The following SLC24A4 variants were observed in gnomAD, a reference collection of about 807,000 sequenced individuals.
The protein encoded by SLC24A4 is sodium/potassium/calcium exchanger 4.
Under a neutral mutation model 79.0 loss-of-function variants are expected in SLC24A4, and 53 were observed. That is an observed-to-expected ratio of 0.67 (90% CI 0.54 to 0.84). The LOEUF (loss-of-function observed/expected upper bound fraction) is 0.84, where lower values mean the gene tolerates loss of function less well. Ranked by LOEUF, SLC24A4 falls within the 40% of genes least tolerant of loss-of-function variation. The pLI is 0.00. For missense variants in SLC24A4, 731 were observed against 822.0 expected (o/e 0.89, Z 1.35); for synonymous variants, 323 against 323.8 (o/e 1.00, Z 0.03).
At chr14:92,486,882 C>T in intron 14 of SLC24A4, 102 bp downstream of exon 14, 3 of 741,400 alleles carry the variant, frequency 4.0e-6, no homozygotes, top group Middle Eastern at 6.2e-4. Flanking sequence ...TTATGACTGG[C>T]AGTTGTCAAG....
At chr14:92,381,610 A>T (rs756733081) in intron 2 of SLC24A4, among the ~76,000 whole-genome samples, 8 of 151,904 alleles carry the variant, frequency 5.3e-5, no homozygotes, top group Non-Finnish European at 8.8e-5. Context: ...AGTACAATTT[A>T]AAAAAAAATT....
chr14:92,473,513 C>T (rs1333390642), intron 12 of SLC24A4, among the ~76,000 whole-genome samples: 1 of 152,188 alleles, frequency 6.6e-6, no homozygotes, highest in Non-Finnish European at 1.5e-5. Context: ...TTTCTGTCTT[C>T]GTAACTCTAT....
intron 2 of SLC24A4, among the ~76,000 whole-genome samples, chr14:92,424,119 C>A (rs1891440502): frequency 6.6e-6 from 1 of 152,158 alleles, no homozygotes; most frequent in Non-Finnish European, 1.5e-5. Flanking sequence ...TCTTCTAAGA[C>A]CACCAATCAT....
intron 2 of SLC24A4, among the ~76,000 whole-genome samples, chr14:92,420,468 A>G (rs764566677): frequency 1.8e-4 from 28 of 151,440 alleles, no homozygotes; most frequent in Non-Finnish European, 3.2e-4. Flanking sequence ...ACAGAGCGAG[A>G]CTCTGTCTCA....
At chr14:92,393,792 C>T (rs1369899914) in intron 2 of SLC24A4, among the ~76,000 whole-genome samples, 5 of 151,978 alleles carry the variant, frequency 3.3e-5, no homozygotes, top group African/African-American at 9.7e-5. Flanking sequence ...GGGCAGATCA[C>T]CTGAGGTCAG....
intron 2 of SLC24A4, among the ~76,000 whole-genome samples, chr14:92,387,081 C>T (rs964438087): frequency 2.6e-5 from 4 of 151,842 alleles, no homozygotes; most frequent in African/African-American, 7.3e-5. Context: ...CCCTCCACTC[C>T]CCTAAAGAAA....
intron 2 of SLC24A4, among the ~76,000 whole-genome samples, chr14:92,366,765 C>T (rs1887863143): frequency 6.6e-6 from 1 of 152,166 alleles, no homozygotes; most frequent in Admixed American, 6.5e-5. Flanking sequence ...GGATAATTCT[C>T]ACTTCATGTT....
chr14:92,410,405 T>C (rs1482547342), intron 2 of SLC24A4, among the ~76,000 whole-genome samples: 1 of 152,182 alleles, frequency 6.6e-6, no homozygotes, highest in East Asian at 1.9e-4. Flanking sequence ...GTCTCAATTT[T>C]CTGGCTTCAG....
intron 12 of SLC24A4, among the ~76,000 whole-genome samples, chr14:92,481,857 C>A (rs1343667294): frequency 6.6e-6 from 1 of 152,234 alleles, no homozygotes; most frequent in African/African-American, 2.4e-5. Flanking sequence ...CATTGATGAG[C>A]AGGCCAGTTT....
rs7154691 is a variant in SLC24A4 at position 92,468,355 on chromosome 14, A to C, written c.1255+11747A>C. 2.0e-5 allele frequency among the ~76,000 whole-genome samples: 3 copies of C among 151,982 alleles called. No individual in the cohort carries two copies. The South Asian group carries it at 6.2e-4, about 31-fold the overall frequency. On this transcript the variant is annotated intron_variant, in intron 12 of 16. Coordinates refer to ENST00000532405, the MANE Select transcript of SLC24A4 (RefSeq NM_153646.4). ...AATAGTCCTCAGATTGATCAGATTTAATGCAATCCTTATCAAAACCCCAGC... is the reference window on the plus strand; with the variant it reads ...AATAGTCCTCAGATTGATCAGATTTCATGCAATCCTTATCAAAACCCCAGC...
Position 92,460,773 on chromosome 14 carries a change from A to G in SLC24A4, c.1255+4165A>G, listed in dbSNP as rs149421080. ...GTCTCCCACCCCTAGCATACAGCTG[A>G]TAAGTGGGGAGGTGGGAGGCCACAG... On this transcript the variant is annotated intron_variant, in intron 12 of 16. Coordinates refer to ENST00000532405, the MANE Select transcript of SLC24A4 (RefSeq NM_153646.4). Among the ~76,000 whole-genome samples the G allele has an allele frequency of 9.9e-4, 150 of 152,274 alleles. 1 individual carries two copies. The highest frequency in any genetic ancestry group is 3.6e-3 in the African/African-American group (150 of 41,574).
intron 2 of SLC24A4, among the ~76,000 whole-genome samples, chr14:92,350,392 G>A (rs956815588): frequency 2.0e-5 from 3 of 152,072 alleles, no homozygotes; most frequent in Non-Finnish European, 4.4e-5. Flanking sequence ...GTGACTCCAG[G>A]TAGAAGCAAT....
intron 2 of SLC24A4, among the ~76,000 whole-genome samples, 181 bp from the exon 3 acceptor site, chr14:92,433,731 C>A (rs1892003294): frequency 6.6e-6 from 1 of 152,178 alleles, no homozygotes; most frequent in Admixed American, 6.5e-5. Context: ...AATCCAGTAT[C>A]CAGCAACTAT....
At chr14:92,369,106 A>T (rs1888012025) in intron 2 of SLC24A4, among the ~76,000 whole-genome samples, 1 of 152,158 alleles carries the variant, frequency 6.6e-6, no homozygotes, top group South Asian at 2.1e-4. Flanking sequence ...CCCTAGGCCC[A>T]CCCACATGCC....
intron 2 of SLC24A4, among the ~76,000 whole-genome samples, chr14:92,326,989 A>C (rs1031574886): frequency 6.6e-6 from 1 of 152,148 alleles, no homozygotes; most frequent in African/African-American, 2.4e-5. Flanking sequence ...GGCAGTCCCC[A>C]CGTGTTAAAT....
chr14:92,336,319 G>A (rs1329673900), intron 2 of SLC24A4, among the ~76,000 whole-genome samples: 1 of 152,252 alleles, frequency 6.6e-6, no homozygotes, highest in East Asian at 1.9e-4. Flanking sequence ...TTAGAACATG[G>A]CATTTTACTA....
chr14:92,435,744 T>C (rs1040681806), intron 3 of SLC24A4, among the ~76,000 whole-genome samples: 1 of 152,246 alleles, frequency 6.6e-6, no homozygotes, highest in Admixed American at 6.5e-5. Context: ...AAGCCATTAA[T>C]GAAAATGAAG....
At chr14:92,419,508 G>T (rs895095147) in intron 2 of SLC24A4, among the ~76,000 whole-genome samples, 3 of 152,202 alleles carry the variant, frequency 2.0e-5, no homozygotes, top group Non-Finnish European at 2.9e-5. Flanking sequence ...GAATGTTGCC[G>T]TGGGCTACTT....
In SLC24A4 at chr14:92,495,384, T is replaced by TTTTG. The variant is rs1461438067; in HGVS notation, c.*1760_*1763dup. ...AGCTACACCAAGTTCAGGCTTCTCTTTTTGTTTTTTTACCTAGAAATTGGG... is the reference window on the plus strand; with the variant it reads ...AGCTACACCAAGTTCAGGCTTCTCTTTTTGTTTGTTTTTTTACCTAGAAATTGGG... On this transcript the variant is annotated 3_prime_UTR_variant, in exon 17 of 17. Transcript: ENST00000532405. The TTTTG allele has an allele frequency of 6.6e-6, 1 of 152,092 alleles. No homozygotes were observed. The highest frequency in any genetic ancestry group is 2.4e-5 in the African/African-American group (1 of 41,406). The allele number at this position is 152,092 out of a possible 1,614,324, so 9.4% of individuals were successfully genotyped here. A position where few individuals can be genotyped will look rare whatever the true frequency, so the allele number is the denominator to read the frequency against.
Sources: gnomAD v4.1 joint callset for allele counts (sites outside exome capture counted in the v4.1 genomes callset) on GRCh38, gnomAD v4.1.1 for gene constraint, MANE v1.5 for transcripts, NCBI Gene and HGNC (gene_info 2026-07-23, HGNC 2026-07-21) for gene names.